Variants in ATXN2 observed in about 807,000 individuals in gnomAD.
The protein encoded by ATXN2 is ataxin 2.
ATXN2 carries 37 observed loss-of-function variants against 138.6 expected under a neutral mutation model. That is an observed-to-expected ratio of 0.27 (90% CI 0.21 to 0.35). The LOEUF (loss-of-function observed/expected upper bound fraction) is 0.35, where lower values mean the gene tolerates loss of function less well. Ranked by LOEUF, ATXN2 falls within the 10% of genes least tolerant of loss-of-function variation. ATXN2 has a pLI of 1.00. For synonymous variants in ATXN2, 549 were observed against 543.7 expected (o/e 1.01, Z -0.13); for missense variants, 1,216 against 1,480.3 (o/e 0.82, Z 2.93).
At chr12:111,499,660 T>A (rs1418760169) in intron 14 of ATXN2, among the ~76,000 whole-genome samples, 1 of 150,472 alleles carries the variant, frequency 6.6e-6, no homozygotes. Flanking sequence ...GGCAACAAAG[T>A]GAGACTCTGT....
chr12:111,538,389 CTT>C (rs11421677), intron 5 of ATXN2, among the ~76,000 whole-genome samples: 1 of 146,974 alleles, frequency 6.8e-6, no homozygotes, highest in African/African-American at 2.5e-5. Flanking sequence ...AATTAGTAAC[CTT>C]TTTTTTTTTG....
chr12:111,569,980 T>C (rs746080251), intron 1 of ATXN2, among the ~76,000 whole-genome samples: 4 of 152,198 alleles, frequency 2.6e-5, no homozygotes, highest in Non-Finnish European at 5.9e-5. Flanking sequence ...ATTAGGCACA[T>C]GTGGCAGCTA....
intron 22 of ATXN2, among the ~76,000 whole-genome samples, chr12:111,456,803 A>G (rs1012592725): frequency 5.9e-5 from 9 of 151,960 alleles, no homozygotes; most frequent in Admixed American, 2.6e-4. Context: ...GCTGGAGTGC[A>G]GTGGCGCGAT....
intron 5 of ATXN2, among the ~76,000 whole-genome samples, chr12:111,539,956 GA>G (rs1881409441): frequency 6.7e-6 from 1 of 150,038 alleles, no homozygotes; most frequent in Non-Finnish European, 1.5e-5. Flanking sequence ...TTAGGTTAAG[GA>G]AAAGTCAGTA....
At chr12:111,500,190 G>A (rs1054526343) in intron 14 of ATXN2, among the ~76,000 whole-genome samples, 4 of 152,168 alleles carry the variant, frequency 2.6e-5, no homozygotes, top group African/African-American at 9.7e-5. Context: ...ATACACAACA[G>A]CCAAGATTTG....
chr12:111,462,967 T>TACACACACACACACAC (rs201459505), intron 21 of ATXN2, among the ~76,000 whole-genome samples: 2 of 134,564 alleles, frequency 1.5e-5, no homozygotes, highest in Admixed American at 7.4e-5. Context: ...CACATACATA[T>TACACACACACACACAC]ATATATATAT....
chr12:111,559,105 G>A (rs1433765334), intron 1 of ATXN2, among the ~76,000 whole-genome samples: 1 of 151,412 alleles, frequency 6.6e-6, no homozygotes, highest in Admixed American at 6.6e-5. Flanking sequence ...CCAGAATGCA[G>A]TAAATGCAAC....
chr12:111,485,116 A>G (rs1396575682), intron 18 of ATXN2, 149 bp downstream of exon 18: 3 of 629,074 alleles, frequency 4.8e-6, no homozygotes, highest in Non-Finnish European at 8.2e-6. Context: ...ATCCATGTGA[A>G]TATCTATGTA....
intron 5 of ATXN2, among the ~76,000 whole-genome samples, chr12:111,548,446 A>G (rs979128400): frequency 6.7e-6 from 1 of 148,388 alleles, no homozygotes; most frequent in African/African-American, 2.6e-5. Context: ...GTTAGCACAG[A>G]GTCTGGCACA....
Position 111,554,207 on chromosome 12 carries a change from T to C in ATXN2, c.299A>G (p.Asp100Gly). The C allele has an allele frequency of 7.1e-7, 1 of 1,410,812 alleles. No individual in the cohort carries two copies. The highest frequency in any genetic ancestry group is 9.4e-7 in the Non-Finnish European group (1 of 1,060,298). The allele number at this position is 1,410,812 out of a possible 1,614,324, so 87.4% of individuals were successfully genotyped here. Residue 100 changes from aspartate to glycine, a missense_variant, in exon 3 of 25, where the codon GAT becomes GGT. Asp to Gly is a moderately conservative substitution (Grantham distance 94). Around this residue, in one of 4 missense-constraint regions of ATXN2, gnomAD observed 401 missense variants for 528.1 expected, o/e 0.76. Transcript: ENST00000673436. ...KGLPQSTISFDGIYANMRMVH... is the reference protein window; with the variant it reads ...KGLPQSTISFGGIYANMRMVH... ...CATCCTCATATTTGCATAGATTCCA[T>C]CAAAAGAAATCTGGAATATTAAAAA...
chr12:111,502,813 A>G (rs1327731163), intron 14 of ATXN2, among the ~76,000 whole-genome samples: 1 of 152,196 alleles, frequency 6.6e-6, no homozygotes, highest in East Asian at 1.9e-4. Flanking sequence ...TGGGTCATCT[A>G]TATTTTGCTA....
chr12:111,530,271 T>C (rs1469224993), intron 5 of ATXN2, among the ~76,000 whole-genome samples: 1 of 152,220 alleles, frequency 6.6e-6, no homozygotes, highest in East Asian at 1.9e-4. Context: ...ATTCCCAGCA[T>C]TTCCTGTAGG....
rs1220029105 is a variant in ATXN2, at chr12:111,473,471, C to G, written c.2525-2729G>C. ...AAAGCTATACCTCAGGGTAACCAAA[C>G]AGCTGGATATGGGAAAGTTTTTCTT... is the stretch of plus-strand genomic sequence containing the variant. On this transcript the variant is annotated intron_variant, in intron 18 of 24. Coordinates refer to ENST00000673436, the MANE Select transcript of ATXN2 (RefSeq NM_001372574.1). Among the ~76,000 whole-genome samples, 4 of 152,134 alleles carry G rather than the reference C, an allele frequency of 2.6e-5. No homozygotes were observed. The South Asian group carries it at 8.3e-4, about 32-fold the overall frequency.
At chr12:111,584,147 C>T (rs1884183594) in intron 1 of ATXN2, among the ~76,000 whole-genome samples, 1 of 151,486 alleles carries the variant, frequency 6.6e-6, no homozygotes, top group Admixed American at 6.6e-5. Context: ...TTCTGGACAC[C>T]AAGGTGGGTG....
intron 1 of ATXN2, among the ~76,000 whole-genome samples, chr12:111,558,667 C>T (rs2135793912): frequency 6.6e-6 from 1 of 152,226 alleles, no homozygotes; most frequent in Non-Finnish European, 1.5e-5. Flanking sequence ...CATGGTGGCA[C>T]ACGCCTGTGG....
chr12:111,591,389 G>A (rs1411560336), intron 1 of ATXN2, among the ~76,000 whole-genome samples: 1 of 152,152 alleles, frequency 6.6e-6, no homozygotes, highest in Admixed American at 6.6e-5. Context: ...AAGGGAGGGG[G>A]CTCGGTGCAG....
rs111407200 is a variant in ATXN2 at position 111,572,282 on chromosome 12, C to A, written c.252-16363G>T. 5.1e-3 allele frequency among the ~76,000 whole-genome samples: 777 copies of A among 151,686 alleles called. 6 individuals carry two copies. The highest frequency in any genetic ancestry group is 9.0e-3 in the Non-Finnish European group (613 of 67,894). Reference sequence around the variant, plus strand: ...CGAGCGTGGTGGCACATGCCTATAACCCCAGCTACTTGAGAGGCTGAGGCA... The same window carrying A: ...CGAGCGTGGTGGCACATGCCTATAAACCCAGCTACTTGAGAGGCTGAGGCA... On this transcript the variant is annotated intron_variant, in intron 1 of 24. Transcript: ENST00000673436.
chr12:111,563,734 T>C (rs1435657973), intron 1 of ATXN2, among the ~76,000 whole-genome samples: 1 of 152,178 alleles, frequency 6.6e-6, no homozygotes, highest in Non-Finnish European at 1.5e-5. Flanking sequence ...TGTTTTTAAT[T>C]GGAGACTATA....
At chr12:111,547,278 T>C (rs1317070088) in intron 5 of ATXN2, among the ~76,000 whole-genome samples, 1 of 151,928 alleles carries the variant, frequency 6.6e-6, no homozygotes, top group African/African-American at 2.4e-5. Flanking sequence ...AATATAAAAA[T>C]TAGCTGGGCA....
Sources: allele counts gnomAD v4.1 joint callset (sites outside exome capture counted in the v4.1 genomes callset), GRCh38; gene constraint gnomAD v4.1.1; regional missense constraint gnomAD v4.1.1; transcripts MANE v1.5; gene names NCBI Gene and HGNC (gene_info 2026-07-23, HGNC 2026-07-21).